Variants in OPCML observed in about 807,000 individuals in gnomAD.
The protein encoded by OPCML is opioid-binding protein/cell adhesion molecule.
In OPCML, 13 loss-of-function variants were observed where a neutral mutation model predicts 37.8. That is an observed-to-expected ratio of 0.34 (90% CI 0.22 to 0.55). OPCML has a LOEUF of 0.55. Ranked by LOEUF, OPCML falls within the 20% of genes least tolerant of loss-of-function variation. The pLI, the probability that OPCML is intolerant of heterozygous loss-of-function variation, is 0.91. For synonymous variants in OPCML, 176 were observed against 168.8 expected, an observed-to-expected ratio of 1.04 and a Z score of -0.33; for missense variants, 341 against 435.6, an observed-to-expected ratio of 0.78 and a Z score of 1.93.
intron 3 of OPCML, among the ~76,000 whole-genome samples, chr11:132,556,619 A>C (rs2096396246): frequency 6.6e-6 from 1 of 152,178 alleles, no homozygotes; most frequent in Admixed American, 6.5e-5. Flanking sequence ...CAGGTCTTCC[A>C]ATTCATGCAA....
intron 2 of OPCML, among the ~76,000 whole-genome samples, chr11:132,706,084 G>T (rs969150179): frequency 2.3e-4 from 35 of 152,154 alleles, no homozygotes. Context: ...GGGATTACAG[G>T]CATGAGCTAC....
intron 1 of OPCML, among the ~76,000 whole-genome samples, chr11:133,445,601 T>A (rs1345967394): frequency 6.6e-6 from 1 of 152,186 alleles, no homozygotes. Context: ...TATCATCACT[T>A]TTCATCTGGA....
At chr11:133,280,162 A>G (rs1235851385) in intron 1 of OPCML, among the ~76,000 whole-genome samples, 4 of 152,256 alleles carry the variant, frequency 2.6e-5, no homozygotes, top group South Asian at 4.1e-4. Context: ...AGATTTGCAT[A>G]TAAAACCACT....
rs1555165334 is a variant in OPCML, at chr11:133,481,478, A to AATGT, written c.61+50782_61+50785dup. Among the ~76,000 whole-genome samples, 399 of 151,960 alleles carry AATGT rather than the reference A, an allele frequency of 2.6e-3. 1 individual carries two copies. The highest frequency in any genetic ancestry group is 9.4e-3 in the African/African-American group (388 of 41,324). On this transcript the variant is annotated intron_variant, in intron 1 of 7. Coordinates refer to ENST00000524381, the MANE Select transcript of OPCML (RefSeq NM_001012393.5). Reference sequence around the variant, plus strand: ...AAATAAATAAATAAATAAATAAATAAATGTATGTATGTAACTGTGGCTACA... The same window carrying AATGT: ...AAATAAATAAATAAATAAATAAATAAATGTATGTATGTATGTAACTGTGGCTACA...
chr11:133,083,144 G>A (rs372668357), intron 1 of OPCML, among the ~76,000 whole-genome samples: 1,628 of 149,454 alleles, frequency 0.011, 23 homozygotes, highest in African/African-American at 0.038. Context: ...GCACACACAC[G>A]CACACACACA....
chr11:132,786,934 A>G (rs1947234163), intron 2 of OPCML, among the ~76,000 whole-genome samples: 1 of 152,150 alleles, frequency 6.6e-6, no homozygotes, highest in Admixed American at 6.5e-5. Flanking sequence ...AGCGTGGGGC[A>G]TGGAGTAGGA....
chr11:133,141,039 C>CGAAGACGACGAAGACGAA (rs1348447381), intron 1 of OPCML, among the ~76,000 whole-genome samples: 1 of 4,100 alleles, frequency 2.4e-4, no homozygotes, highest in African/African-American at 3.9e-4. Flanking sequence ...ACGACGACGA[C>CGAAGACGACGAAGACGAA]GACGACGACG....
rs77838446 is a variant in OPCML at position 132,613,260 on chromosome 11, G to A, written c.379+43827C>T. On this transcript the variant is annotated intron_variant, in intron 3 of 7. Coordinates refer to ENST00000524381, the MANE Select transcript of OPCML (RefSeq NM_001012393.5). ...TCTCTAACAAAAAAGCTACGTCTTG[G>A]GTAAACCTTTGCCGGTGTACAACAG... is the stretch of plus-strand genomic sequence containing the variant. Among the ~76,000 whole-genome samples, 835 of 152,242 alleles carry A rather than the reference G, an allele frequency of 5.5e-3. 2 individuals carry two copies. Among genetic ancestry groups the A allele is most frequent in the African/African-American group, 0.019 (794 of 41,542 alleles).
chr11:133,064,396 G>A (rs1948404680), intron 1 of OPCML, among the ~76,000 whole-genome samples: 2 of 152,204 alleles, frequency 1.3e-5, no homozygotes, highest in South Asian at 4.1e-4. Context: ...GAGCATTCCC[G>A]TGGACAAACA....
intron 4 of OPCML, among the ~76,000 whole-genome samples, chr11:132,514,235 C>G (rs143909643): frequency 1.4e-3 from 206 of 152,214 alleles, no homozygotes; most frequent in African/African-American, 4.7e-3. Context: ...TGAGGACATG[C>G]CATGGCATGG....
chr11:133,197,893 G>A (rs1441174525), intron 1 of OPCML, among the ~76,000 whole-genome samples: 5 of 152,098 alleles, frequency 3.3e-5, no homozygotes, highest in East Asian at 1.9e-4. Flanking sequence ...TATCTGGGAC[G>A]TTCATAGCCT....
At chr11:133,216,364 A>C (rs1939586919) in intron 1 of OPCML, among the ~76,000 whole-genome samples, 2 of 152,248 alleles carry the variant, frequency 1.3e-5, no homozygotes, top group South Asian at 4.1e-4. Context: ...ATTTGAAAAA[A>C]GGTACCTCTT....
At chr11:132,976,738 C>G (rs1407978293) in intron 1 of OPCML, among the ~76,000 whole-genome samples, 2 of 151,976 alleles carry the variant, frequency 1.3e-5, no homozygotes, top group Non-Finnish European at 2.9e-5. Context: ...GAAACATAAG[C>G]CCTAGTTCAG....
intron 1 of OPCML, among the ~76,000 whole-genome samples, chr11:133,035,594 C>G (rs574405569): frequency 6.6e-6 from 1 of 152,318 alleles, no homozygotes; most frequent in African/African-American, 2.4e-5. Flanking sequence ...CCTGTGCCTG[C>G]TATTTCTCTT....
chr11:132,891,734 T>C (rs1172616578), intron 2 of OPCML, among the ~76,000 whole-genome samples: 6 of 152,266 alleles, frequency 3.9e-5, no homozygotes, highest in Non-Finnish European at 8.8e-5. Flanking sequence ...ATAAATATTT[T>C]GGATAATATC....
intron 4 of OPCML, among the ~76,000 whole-genome samples, chr11:132,525,167 C>T (rs1565636750): frequency 6.6e-6 from 1 of 152,062 alleles, no homozygotes; most frequent in African/African-American, 2.4e-5. Flanking sequence ...TCAGAGAATC[C>T]TCATAGTTTC....
chr11:133,394,607 T>C (rs1042885620), intron 1 of OPCML, among the ~76,000 whole-genome samples: 3 of 152,164 alleles, frequency 2.0e-5, no homozygotes, highest in Non-Finnish European at 4.4e-5. Flanking sequence ...CTCCGCTCCA[T>C]TAGTTCAATT....
chr11:133,408,936 A>G (rs1225081828), intron 1 of OPCML, among the ~76,000 whole-genome samples: 1 of 152,220 alleles, frequency 6.6e-6, no homozygotes, highest in East Asian at 1.9e-4. Context: ...AAGCTCTGTT[A>G]TATCTCTGCC....
intron 1 of OPCML, among the ~76,000 whole-genome samples, chr11:133,451,688 C>G (rs1358597674): frequency 6.6e-6 from 1 of 151,136 alleles, no homozygotes; most frequent in Non-Finnish European, 1.5e-5. Flanking sequence ...ACTAAAAATA[C>G]AAAAATTCGC....
Sources: allele counts gnomAD v4.1 joint callset (sites outside exome capture counted in the v4.1 genomes callset), GRCh38; gene constraint gnomAD v4.1.1; transcripts MANE v1.5; gene names NCBI Gene and HGNC (gene_info 2026-07-23, HGNC 2026-07-21).